ZHX1: variants seen among roughly 807,000 people sequenced by gnomAD.
ZHX1 encodes the protein zinc fingers and homeoboxes 1, also known as zinc fingers and homeoboxes protein 1.
A neutral mutation model predicts 61.8 loss-of-function variants in ZHX1; 20 were observed. The ratio of observed to expected loss-of-function variants is 0.32; its 90% CI spans 0.23 to 0.47. ZHX1 has a LOEUF of 0.47. Among genes scored for constraint, ZHX1 ranks in the 20% least tolerant of loss-of-function variants. The pLI is 1.00. For missense variants in ZHX1, 800 were observed against 1,034.8 expected, an observed-to-expected ratio of 0.77 and a Z score of 3.11; for synonymous variants, 318 against 352.6, an observed-to-expected ratio of 0.90 and a Z score of 1.10.
upstream of ZHX1, chr8:123,275,496 T>G (rs1826812808): frequency 6.6e-6 from 1 of 152,140 alleles, no homozygotes; most frequent in Non-Finnish European, 1.5e-5. Flanking sequence ...CTGAGCCACA[T>G]TAATCCTAAA....
At chr8:123,269,407 T>C (rs1258930313) in intron 1 of ZHX1, among the ~76,000 whole-genome samples, 1 of 152,218 alleles carries the variant, frequency 6.6e-6, no homozygotes, top group Non-Finnish European at 1.5e-5. Context: ...TTCCTGATAC[T>C]GGGATTACTT....
chr8:123,269,325 G>C (rs967992182), intron 1 of ZHX1, among the ~76,000 whole-genome samples: 1 of 152,152 alleles, frequency 6.6e-6, no homozygotes, highest in Non-Finnish European at 1.5e-5. Flanking sequence ...AAGGCACCAG[G>C]ATACCAGAGG....
intron 2 of ZHX1, 96 bp downstream of exon 2, chr8:123,267,177 G>C (rs1826485942): frequency 8.5e-7 from 1 of 1,171,830 alleles, no homozygotes. Context: ...TTTAAGGAAA[G>C]CTTTTAAAAA....
Position 123,253,635 on chromosome 8 carries a change from C to G in ZHX1, c.2312G>C (p.Arg771Thr). 3 of 1,614,206 alleles carry G rather than the reference C, an allele frequency of 1.9e-6. No homozygotes were observed. In the African/African-American group the frequency reaches 4.0e-5, roughly 22 times the overall value. The change falls in exon 3 of 4, where the codon AGG becomes ACG. Residue 771 changes from arginine to threonine, a missense_variant. Transcript: ENST00000395571. ...TTTAAATTTTATGAGTGATGGTCCC[C>G]TGTCCCAGTTGTTAATTCTTTTGCT... ...RGSKRINNWD[R>T]GPSLIKFKTG...
chr8:123,254,247 A>C lies in ZHX1; in HGVS notation c.1700T>G (p.Phe567Cys). The C allele has an allele frequency of 6.2e-7, 1 of 1,614,114 alleles. No homozygotes were observed. Among genetic ancestry groups the C allele is most frequent in the Non-Finnish European group, 8.5e-7 (1 of 1,180,000 alleles). The change falls in exon 3 of 4, where the codon TTT (phenylalanine) becomes TGT (cysteine). Residue 567 changes from phenylalanine to cysteine, a missense_variant. Physicochemically the swap from Phe to Cys is radical, Grantham distance 205 (BLOSUM62 -2). Transcript: ENST00000395571. The surrounding 1 kb of genome is among the most constrained non-coding windows in gnomAD (Gnocchi z 4.1). ...TTTCTCTTTAAACTTTTGGGGAGTA[A>C]AGTCAGGAAAAGGATTCCAGGATTG... is the stretch of plus-strand genomic sequence containing the variant. ...PKQSWNPFPD[F>C]TPQKFKEKTA...
chr8:123,262,690 T>C (rs1826312857), intron 2 of ZHX1, among the ~76,000 whole-genome samples: 1 of 152,078 alleles, frequency 6.6e-6, no homozygotes, highest in African/African-American at 2.4e-5. Context: ...TATTATAAAG[T>C]ACAACAAACA....
intron 2 of ZHX1, among the ~76,000 whole-genome samples, chr8:123,256,382 G>C (rs1826070122): frequency 6.6e-6 from 1 of 152,108 alleles, no homozygotes; most frequent in African/African-American, 2.4e-5. Context: ...CCTTGGGTCA[G>C]ACACAAGCTT....
At chr8:123,272,725 G>C (rs1450302148) in intron 1 of ZHX1, among the ~76,000 whole-genome samples, 1 of 152,100 alleles carries the variant, frequency 6.6e-6, no homozygotes, top group Non-Finnish European at 1.5e-5. Context: ...AATCTAAAGT[G>C]CTCTTATATA....
Position 123,255,320 on chromosome 8 carries a change from C to T in ZHX1, c.627G>A (p.Glu209=), listed in dbSNP as rs1276104994. The T allele has an allele frequency of 6.2e-7, 1 of 1,614,024 alleles. No homozygotes were observed. The change falls in exon 3 of 4, where the codon GAG becomes GAA. Residue 209 remains glutamate (E), a synonymous_variant. Transcript: ENST00000395571. Reference sequence around the variant, plus strand: ...GGTCTGGTTTGATTTCATTCTCTTTCTCTTCAGGAACGTCCTCAACTGAGT... The same window carrying T: ...GGTCTGGTTTGATTTCATTCTCTTTTTCTTCAGGAACGTCCTCAACTGAGT... ...HHNSVEDVPE[E]KENEIKPDRE...
chr8:123,261,056 T>C lies in ZHX1; in HGVS notation c.-225-4885A>G, dbSNP rs751851992. Among the ~76,000 whole-genome samples, 4 of 152,110 alleles carry C rather than the reference T, an allele frequency of 2.6e-5. 1 individual carries two copies. Among genetic ancestry groups the C allele is most frequent in the Admixed American group, 1.3e-4 (2 of 15,282 alleles). Reference sequence around the variant, plus strand: ...ACTATTTGCTTGCTATAATCCACTGTCAGGTCCCCATGATTTTGCTAACAA... The same window carrying C: ...ACTATTTGCTTGCTATAATCCACTGCCAGGTCCCCATGATTTTGCTAACAA... On this transcript the variant is annotated intron_variant, in intron 2 of 3. Transcript: ENST00000395571.
intron 3 of ZHX1, among the ~76,000 whole-genome samples, chr8:123,251,831 T>C (rs1292905088): frequency 2.6e-5 from 4 of 152,200 alleles, no homozygotes. Context: ...CCTGGAATGA[T>C]ATTTATACTG....
intron 3 of ZHX1, among the ~76,000 whole-genome samples, chr8:123,252,227 G>C (rs944504492): frequency 2.6e-5 from 4 of 152,130 alleles, no homozygotes; most frequent in African/African-American, 7.2e-5. Flanking sequence ...CATGACAACT[G>C]CATTGTTTTC....
At chr8:123,257,217 C>G (rs576835350) in intron 2 of ZHX1, 1 of 152,278 alleles carries the variant, frequency 6.6e-6, no homozygotes, top group East Asian at 1.9e-4. Flanking sequence ...CCGTGCCTGG[C>G]CTACCAGAAA....
chr8:123,250,579 T>C (rs1825890629), intron 3 of ZHX1, among the ~76,000 whole-genome samples: 1 of 152,216 alleles, frequency 6.6e-6, no homozygotes, highest in Non-Finnish European at 1.5e-5. Context: ...GAGTATATAT[T>C]TCATTGTCAG....
rs182323992 is a variant in ZHX1 at position 123,263,669 on chromosome 8, T to C, written c.-226+3604A>G. On this transcript the variant is annotated intron_variant, in intron 2 of 3. Transcript: ENST00000395571. Reference sequence around the variant, plus strand: ...CAACGTGGTAAAACCCTGCCTCTACTAAAAAAATACAAAAATTAGCTGAGT... The same window carrying C: ...CAACGTGGTAAAACCCTGCCTCTACCAAAAAAATACAAAAATTAGCTGAGT... 4.7e-3 allele frequency among the ~76,000 whole-genome samples: 708 copies of C among 152,028 alleles called. 4 individuals carry two copies. The highest frequency in any genetic ancestry group is 7.6e-3 in the Non-Finnish European group (515 of 67,940).
At chr8:123,259,577 G>A (rs1398371718) in intron 2 of ZHX1, among the ~76,000 whole-genome samples, 2 of 151,888 alleles carry the variant, frequency 1.3e-5, no homozygotes, top group Non-Finnish European at 2.9e-5. Context: ...GTAAGATACT[G>A]TTTCTAAAAA....
chr8:123,261,348 A>C (rs1722166922), intron 2 of ZHX1, among the ~76,000 whole-genome samples: 1 of 152,220 alleles, frequency 6.6e-6, no homozygotes, highest in Non-Finnish European at 1.5e-5. Flanking sequence ...GTCATTGTGA[A>C]TAGGGTAAAG....
chr8:123,254,867 C>T lies in ZHX1; in HGVS notation c.1080G>A (p.Val360=). The T allele has an allele frequency of 6.2e-7, 1 of 1,614,064 alleles. No homozygotes were observed. The highest frequency in any genetic ancestry group is 8.5e-7 in the Non-Finnish European group (1 of 1,179,918). ...CAGTTATGGTCTGAGGTACAGTATGCACTGTTCCATTGAATTGTTTCCTTC... is the reference window on the plus strand; with the variant it reads ...CAGTTATGGTCTGAGGTACAGTATGTACTGTTCCATTGAATTGTTTCCTTC... ...EARRKQFNGT[V]HTVPQTITVI... The change falls in exon 3 of 4, where the codon GTG becomes GTA. Residue 360 remains valine, a synonymous_variant. Transcript: ENST00000395571. The surrounding 1 kb of genome is among the most constrained non-coding windows in gnomAD (Gnocchi z 4.1).
intron 3 of ZHX1, among the ~76,000 whole-genome samples, chr8:123,250,584 TGTCA>T (rs1825890749): frequency 6.6e-6 from 1 of 152,200 alleles, no homozygotes; most frequent in African/African-American, 2.4e-5. Context: ...TATATTTCAT[TGTCA>T]GTATCTGTAA....
Sources: gnomAD v4.1 joint callset for allele counts (sites outside exome capture counted in the v4.1 genomes callset) on GRCh38, gnomAD v4.1.1 for gene constraint, Gnocchi (gnomAD v3.1) non-coding constraint, MANE v1.5 for transcripts, NCBI Gene and HGNC (gene_info 2026-07-23, HGNC 2026-07-21) for gene names.